The following VIPR2 variants were observed in gnomAD, a reference collection of about 807,000 sequenced individuals.
VIPR2 encodes the protein vasoactive intestinal polypeptide receptor 2.
VIPR2 carries 48 observed loss-of-function variants against 58.0 expected under a neutral mutation model. The ratio of observed to expected loss-of-function variants is 0.83; its 90% CI spans 0.66 to 1.05. The LOEUF is 1.05. VIPR2 is among the 50% of genes least tolerant of loss of function. VIPR2 has a pLI of 0.00. For synonymous variants in VIPR2, 243 were observed against 235.2 expected, an observed-to-expected ratio of 1.03 and a Z score of -0.30; for missense variants, 534 against 558.0, an observed-to-expected ratio of 0.96 and a Z score of 0.43.
intron 4 of VIPR2, among the ~76,000 whole-genome samples, chr7:159,089,782 G>A (rs1857359460): frequency 6.6e-6 from 1 of 152,248 alleles, no homozygotes; most frequent in African/African-American, 2.4e-5. Flanking sequence ...CTCACTGGCT[G>A]TACACTGCAT....
chr7:159,065,594 T>G (rs1011446914), intron 4 of VIPR2, among the ~76,000 whole-genome samples: 2 of 152,224 alleles, frequency 1.3e-5, no homozygotes, highest in African/African-American at 4.8e-5. Flanking sequence ...CACTGTTCCT[T>G]GCATGTACAA....
intron 2 of VIPR2, among the ~76,000 whole-genome samples, chr7:159,137,616 C>T (rs1408916084): frequency 6.6e-6 from 1 of 152,234 alleles, no homozygotes. Flanking sequence ...AGTTACCCTC[C>T]TGCCTCGATC....
chr7:159,064,221 G>T lies in VIPR2; in HGVS notation c.358-5643C>A, dbSNP rs1337342461. Among the ~76,000 whole-genome samples the T allele has an allele frequency of 3.3e-5, 5 of 152,222 alleles. No individual in the cohort carries two copies. In the South Asian group the frequency reaches 8.3e-4, roughly 25 times the overall value. ...CGGCCCCACGCGCCGGGCCAGGAGGGCTCCTTCTTCCCGCATTTCACGGGA... is the reference window on the plus strand; with the variant it reads ...CGGCCCCACGCGCCGGGCCAGGAGGTCTCCTTCTTCCCGCATTTCACGGGA... On this transcript the variant is annotated intron_variant, in intron 4 of 12. Transcript: ENST00000262178.
intron 2 of VIPR2, among the ~76,000 whole-genome samples, chr7:159,110,823 G>A (rs1298363894): frequency 6.6e-6 from 1 of 152,180 alleles, no homozygotes; most frequent in Non-Finnish European, 1.5e-5. Flanking sequence ...GAACAAAGGA[G>A]TGTTTTACTT....
rs754796787 is a variant in VIPR2, at chr7:159,043,042, G to T, written c.590C>A (p.Ser197Tyr). 1.2e-6 allele frequency: 2 copies of T among 1,614,060 alleles called. No homozygotes were observed. The highest frequency in any genetic ancestry group is 4.5e-5 in the East Asian group (2 of 44,878). ...SGTLHCPDQPSSWVGCKLSLV... is the reference protein window; with the variant it reads ...SGTLHCPDQPYSWVGCKLSLV... ...TGGTGGGGACAGCCTTACCCAGGAG[G>T]ATGGCTGGTCAGGGCAGTGCAACGT... The change falls in exon 6 of 13, where the codon TCC (serine) becomes TAC (tyrosine). Residue 197 changes from serine to tyrosine, a missense_variant. Physicochemically the swap from Ser to Tyr is moderately radical, Grantham distance 144 (BLOSUM62 -2). Coordinates refer to ENST00000262178, the MANE Select transcript of VIPR2 (RefSeq NM_003382.5).
chr7:159,127,142 A>G lies in VIPR2; in HGVS notation c.151+15304T>C, dbSNP rs1405606028. Among the ~76,000 whole-genome samples the G allele has an allele frequency of 6.6e-6, 1 of 152,214 alleles. No individual in the cohort carries two copies. Among genetic ancestry groups the G allele is most frequent in the Non-Finnish European group, 1.5e-5 (1 of 68,048 alleles). On this transcript the variant is annotated intron_variant, in intron 2 of 12. Coordinates refer to ENST00000262178, the MANE Select transcript of VIPR2 (RefSeq NM_003382.5). This position sits in a 1 kb window ranked among gnomAD's most constrained non-coding sequence, Gnocchi z 4.6. Reference sequence around the variant, plus strand: ...AAGCCGGATTTTCTTCAGATGACTCAGATACGCTGACATTCTGTCTAATTA... The same window carrying G: ...AAGCCGGATTTTCTTCAGATGACTCGGATACGCTGACATTCTGTCTAATTA...
intron 5 of VIPR2, among the ~76,000 whole-genome samples, chr7:159,045,979 C>T (rs895862744): frequency 6.6e-6 from 1 of 151,374 alleles, no homozygotes; most frequent in Admixed American, 6.6e-5. Context: ...CAAAGATATA[C>T]AAATGGTCAA....
At chr7:159,053,753 G>T (rs549759834) in intron 5 of VIPR2, among the ~76,000 whole-genome samples, 12 of 152,254 alleles carry the variant, frequency 7.9e-5, no homozygotes, top group African/African-American at 2.9e-4. Context: ...TCCCTATGTT[G>T]CCCTGGCTTG....
chr7:159,079,523 G>T (rs1856801012), intron 4 of VIPR2, among the ~76,000 whole-genome samples: 1 of 152,154 alleles, frequency 6.6e-6, no homozygotes, highest in South Asian at 2.1e-4. Flanking sequence ...AAGCAGGAAA[G>T]ATCTAAAATT....
intron 2 of VIPR2, among the ~76,000 whole-genome samples, chr7:159,115,442 A>T (rs1796200361): frequency 6.6e-6 from 1 of 152,228 alleles, no homozygotes; most frequent in African/African-American, 2.4e-5. Flanking sequence ...AATATAAATG[A>T]TAAAGTTGTT....
In VIPR2 at chr7:159,093,332, GA is replaced by G. The variant is rs1857607571; in HGVS notation, c.357+10424del. On this transcript the variant is annotated intron_variant, in intron 4 of 12. Coordinates refer to ENST00000262178, the MANE Select transcript of VIPR2 (RefSeq NM_003382.5). The surrounding 1 kb of genome is among the most constrained non-coding windows in gnomAD (Gnocchi z 6.7). Reference sequence around the variant, plus strand: ...ATCTTCTCAGAGGTCATCCTTCAGGGAAATGGGAAACTCAGACCAACCGTGT... The same window carrying G: ...ATCTTCTCAGAGGTCATCCTTCAGGGAATGGGAAACTCAGACCAACCGTGT... Among the ~76,000 whole-genome samples the G allele has an allele frequency of 1.3e-5, 2 of 152,168 alleles. No homozygotes were observed. Among genetic ancestry groups the G allele is most frequent in the South Asian group, 4.1e-4 (2 of 4,824 alleles).
At chr7:159,035,869 T>C in intron 8 of VIPR2, 83 bp downstream of exon 8, 1 of 1,547,848 alleles carries the variant, frequency 6.5e-7, no homozygotes, top group Non-Finnish European at 8.8e-7. Context: ...TCCAACCAGG[T>C]AACCTTCTGG....
At chr7:159,119,046 G>A (rs777292475) in intron 2 of VIPR2, among the ~76,000 whole-genome samples, 1 of 152,228 alleles carries the variant, frequency 6.6e-6, no homozygotes, top group Non-Finnish European at 1.5e-5. Context: ...ATTGTTTCAG[G>A]ATTCTTCGTG....
rs1417757996 is a variant in VIPR2 at position 159,097,228 on chromosome 7, G to A, written c.357+6529C>T. 2.1e-6 allele frequency: 3 copies of A among 1,413,380 alleles called. No homozygotes were observed. The highest frequency in any genetic ancestry group is 1.4e-5 in the African/African-American group (1 of 69,438). The allele number at this position is 1,413,380 out of a possible 1,614,324, so 87.6% of individuals were successfully genotyped here. A position where few individuals can be genotyped will look rare whatever the true frequency, so the allele number is the denominator to read the frequency against. ...TTGCCATCAGTGGGAACGAGTCACT[G>A]CGGTGGCCTGAGTGCTGGAGGAGGG... On this transcript the variant is annotated intron_variant, in intron 4 of 12. Transcript: ENST00000262178. The surrounding 1 kb of genome is among the most constrained non-coding windows in gnomAD (Gnocchi z 5.3).
chr7:159,037,281 C>G (rs1010179538), intron 6 of VIPR2, among the ~76,000 whole-genome samples: 1 of 152,226 alleles, frequency 6.6e-6, no homozygotes, highest in African/African-American at 2.4e-5. Flanking sequence ...ACACGGGAAC[C>G]CCCGCAGTGG....
intron 2 of VIPR2, among the ~76,000 whole-genome samples, chr7:159,130,894 A>G (rs1796884343): frequency 6.6e-6 from 1 of 152,222 alleles, no homozygotes; most frequent in East Asian, 1.9e-4. Context: ...TTGCCTTGAA[A>G]TTAACTGTTA....
chr7:159,113,031 G>A (rs1450604061), intron 2 of VIPR2, among the ~76,000 whole-genome samples: 1 of 152,226 alleles, frequency 6.6e-6, no homozygotes, highest in East Asian at 1.9e-4. Flanking sequence ...TGGCAAGGAG[G>A]GGGAATCCAG....
chr7:159,083,928 G>GA (rs1185425415), intron 4 of VIPR2, among the ~76,000 whole-genome samples: 6 of 152,202 alleles, frequency 3.9e-5, no homozygotes, highest in African/African-American at 1.4e-4. Flanking sequence ...ACATTCTCAG[G>GA]AAACCCTCAG....
chr7:159,034,376 C>T (rs1204782845), intron 9 of VIPR2, 72 bp from the exon 10 acceptor site: 69 of 1,488,286 alleles, frequency 4.6e-5, no homozygotes, highest in East Asian at 1.9e-4. Context: ...CACCTGATTT[C>T]GACCCTCCCC....
Sources: allele counts gnomAD v4.1 joint callset (sites outside exome capture counted in the v4.1 genomes callset), GRCh38; gene constraint gnomAD v4.1.1; non-coding constraint Gnocchi (gnomAD v3.1); transcripts MANE v1.5; gene names NCBI Gene and HGNC (gene_info 2026-07-23, HGNC 2026-07-21).